The following COL14A1 variants were observed in gnomAD, a reference collection of about 807,000 sequenced individuals.
The protein encoded by COL14A1 is collagen type XIV alpha 1 chain, also known as collagen alpha-1(XIV) chain.
A neutral mutation model predicts 230.3 loss-of-function variants in COL14A1; 136 were observed. The observed-to-expected ratio is 0.59, with a 90% confidence interval of 0.51 to 0.68. COL14A1 has a LOEUF of 0.68. Ranked by LOEUF, COL14A1 falls within the 30% of genes least tolerant of loss-of-function variation. The pLI is 0.00. For synonymous variants in COL14A1, 792 were observed against 784.1 expected (o/e 1.01, Z -0.17); for missense variants, 1,976 against 2,215.8 (o/e 0.89, Z 2.17).
chr8:120,335,780 T>G (rs1356388597), intron 42 of COL14A1, among the ~76,000 whole-genome samples: 2 of 152,234 alleles, frequency 1.3e-5, no homozygotes, highest in African/African-American at 4.8e-5. Context: ...ATCTAAGTTT[T>G]AAGCACTGGC....
At chr8:120,300,621 G>A (rs1820680713) in intron 35 of COL14A1, 111 bp from the exon 36 acceptor site, 1 of 794,200 alleles carries the variant, frequency 1.3e-6, no homozygotes. Flanking sequence ...CCTTTCTAAT[G>A]TGCACTTGAA....
intron 42 of COL14A1, among the ~76,000 whole-genome samples, chr8:120,336,753 T>A (rs1563744792): frequency 6.6e-6 from 1 of 152,198 alleles, no homozygotes; most frequent in Non-Finnish European, 1.5e-5. Flanking sequence ...ACACATTATT[T>A]AAAGTTCCTG....
intron 31 of COL14A1, among the ~76,000 whole-genome samples, chr8:120,281,522 G>T (rs1052747677): frequency 2.7e-5 from 4 of 148,034 alleles, no homozygotes; most frequent in Non-Finnish European, 4.4e-5. Context: ...CCATGATCAC[G>T]CCACTGCACC....
intron 5 of COL14A1, among the ~76,000 whole-genome samples, chr8:120,176,133 G>T (rs1816275750): frequency 1.3e-5 from 2 of 152,112 alleles, no homozygotes; most frequent in Admixed American, 1.3e-4. Flanking sequence ...GTTAATAATA[G>T]CATGTATATT....
intron 26 of COL14A1, among the ~76,000 whole-genome samples, chr8:120,271,157 AGT>A (rs1819654414): frequency 6.6e-6 from 1 of 151,766 alleles, no homozygotes; most frequent in African/African-American, 2.4e-5. Flanking sequence ...CCCACTTATA[AGT>A]GGGAGCTAAA....
chr8:120,317,099 G>A (rs146976826), intron 40 of COL14A1, among the ~76,000 whole-genome samples: 75 of 152,298 alleles, frequency 4.9e-4, no homozygotes, highest in African/African-American at 1.8e-3. Flanking sequence ...CAGCTCCACA[G>A]TTTCTCTCAA....
intron 1 of COL14A1, among the ~76,000 whole-genome samples, chr8:120,128,220 TGCGC>T (rs141192017): frequency 5.7e-5 from 7 of 122,856 alleles, no homozygotes; most frequent in South Asian, 2.7e-4. Context: ...TGTGTGTGTG[TGCGC>T]GCGCGTGTGT....
rs147357723 is a variant in COL14A1, at chr8:120,372,133, G to C, written c.*902G>C. The C allele has an allele frequency of 4.6e-3, 697 of 152,512 alleles. 6 individuals carry two copies. Among genetic ancestry groups the C allele is most frequent in the South Asian group, 0.028 (137 of 4,830 alleles). The allele number at this position is 152,512 out of a possible 1,614,324, so 9.4% of individuals were successfully genotyped here. On this transcript the variant is annotated 3_prime_UTR_variant, in exon 48 of 48. Transcript: ENST00000297848. ...GAAAGACAACAGTTGTCTTCCTTTA[G>C]GTAAGCATTCAAACTTTCATTCATT...
chr8:120,200,769 T>TATATAA, intron 8 of COL14A1, among the ~76,000 whole-genome samples: 1 of 117,626 alleles, frequency 8.5e-6, no homozygotes, highest in Non-Finnish European at 1.9e-5. Context: ...ATATATATTA[T>TATATAA]TTTTCATCAG....
intron 3 of COL14A1, 60 bp from the exon 4 acceptor site, chr8:120,162,363 TTTC>T (rs1428269423): frequency 1.8e-5 from 25 of 1,375,794 alleles, no homozygotes; most frequent in South Asian, 3.3e-5. Flanking sequence ...ACTAATAAAG[TTTC>T]TTAATGTACA....
intron 35 of COL14A1, 74 bp from the exon 36 acceptor site, chr8:120,300,656 CTG>C: frequency 2.9e-6 from 3 of 1,051,012 alleles, no homozygotes; most frequent in Non-Finnish European, 4.3e-6. Context: ...TTAAATCAAA[CTG>C]TTTTCTTTGA....
intron 5 of COL14A1, among the ~76,000 whole-genome samples, chr8:120,172,776 G>A (rs1004962051): frequency 1.2e-4 from 18 of 152,266 alleles, no homozygotes; most frequent in Admixed American, 1.2e-3. Flanking sequence ...CAATTTGTAA[G>A]GATATAGCCC....
chr8:120,229,474 G>A (rs1011959611), intron 18 of COL14A1, among the ~76,000 whole-genome samples: 3 of 151,980 alleles, frequency 2.0e-5, no homozygotes, highest in Admixed American at 6.6e-5. Flanking sequence ...GTATTCCATG[G>A]TGTATATATG....
Position 120,264,131 on chromosome 8 carries a change from C to G in COL14A1, c.3016+1117C>G, listed in dbSNP as rs557831422. On this transcript the variant is annotated intron_variant, in intron 24 of 47. Transcript: ENST00000297848. ...GCTATTTGAAGTCGATCTCCTTTCC[C>G]ACCCTGAGCCTCAGACAATCTACTT... Among the ~76,000 whole-genome samples the G allele has an allele frequency of 9.2e-5, 14 of 152,278 alleles. No homozygotes were observed. The South Asian group carries it at 2.9e-3, about 32-fold the overall frequency.
intron 7 of COL14A1, among the ~76,000 whole-genome samples, chr8:120,198,194 G>A (rs181655443): frequency 6.6e-6 from 1 of 152,128 alleles, no homozygotes; most frequent in Admixed American, 6.6e-5. Flanking sequence ...GAGTGGAGTA[G>A]CTGTCTAACT....
chr8:120,150,831 C>A (rs1040630722), intron 2 of COL14A1, among the ~76,000 whole-genome samples: 1 of 151,830 alleles, frequency 6.6e-6, no homozygotes, highest in African/African-American at 2.4e-5. Flanking sequence ...AGATTATATT[C>A]GAATTGTATT....
intron 19 of COL14A1, among the ~76,000 whole-genome samples, chr8:120,233,944 C>A (rs924381052): frequency 1.3e-5 from 2 of 152,136 alleles, no homozygotes; most frequent in Admixed American, 6.5e-5. Flanking sequence ...TTCTAGCTAT[C>A]CATGAGCATG....
chr8:120,203,257 G>A (rs1338742623), intron 8 of COL14A1, among the ~76,000 whole-genome samples: 1 of 151,492 alleles, frequency 6.6e-6, no homozygotes, highest in African/African-American at 2.4e-5. Context: ...CACATGAAAT[G>A]TTCCTCTTTA....
intron 2 of COL14A1, among the ~76,000 whole-genome samples, chr8:120,156,315 G>T (rs866862533): frequency 1.3e-5 from 2 of 151,990 alleles, no homozygotes; most frequent in Admixed American, 6.6e-5. Flanking sequence ...GACTACAGGC[G>T]TGTGCCACCA....
Sources: allele counts gnomAD v4.1 joint callset (sites outside exome capture counted in the v4.1 genomes callset), GRCh38; gene constraint gnomAD v4.1.1; transcripts MANE v1.5; gene names NCBI Gene and HGNC (gene_info 2026-07-23, HGNC 2026-07-21).